The following EXOG variants were observed in gnomAD, a reference collection of about 807,000 sequenced individuals.
The protein encoded by EXOG is exo/endonuclease G.
A neutral mutation model predicts 25.8 loss-of-function variants in EXOG; 27 were observed. The observed-to-expected ratio is 1.05, with a 90% CI of 0.77 to 1.45. The LOEUF (loss-of-function observed/expected upper bound fraction) is 1.45. Ranked by LOEUF, EXOG falls within the 40% of genes most tolerant of loss-of-function variation. The pLI is 0.00. For missense variants in EXOG, 458 were observed against 450.5 expected (o/e 1.02, Z -0.15); for synonymous variants, 133 against 167.0 (o/e 0.80, Z 1.57).
chr3:38,501,014 A>G, intron 2 of EXOG: 1 of 181,020 alleles, frequency 5.5e-6, no homozygotes, highest in Non-Finnish European at 1.1e-5. Context: ...AAAAAACAAG[A>G]GTTTATTTAG....
At chr3:38,519,004 T>C (rs1292993813) in intron 5 of EXOG, among the ~76,000 whole-genome samples, 1 of 152,194 alleles carries the variant, frequency 6.6e-6, no homozygotes, top group Non-Finnish European at 1.5e-5. Flanking sequence ...AAGCTTAAGG[T>C]TAGCAGATAA....
rs371730440 is a variant in EXOG at position 38,496,395 on chromosome 3, C to T, written c.28C>T (p.Leu10Phe). 1.1e-5 allele frequency: 18 copies of T among 1,613,918 alleles called. No individual in the cohort carries two copies. The highest frequency in any genetic ancestry group is 6.7e-5 in the African/African-American group (5 of 74,954). Residue 10 changes from leucine (L) to phenylalanine (F), a missense_variant, in exon 1 of 6, where the codon CTC becomes TTC. Coordinates refer to ENST00000287675, the MANE Select transcript of EXOG (RefSeq NM_005107.4). ...GGCTATCAAGAGTATCGCTTCCCGC[C>T]TCCGGGGTTCCCGTCGTTTTCTGAG... Reference protein sequence around the residue: MAIKSIASRLRGSRRFLSGF... With the variant: MAIKSIASRFRGSRRFLSGF...
chr3:38,503,560 A>G (rs1281441782), intron 3 of EXOG, 55 bp from the exon 4 acceptor site: 2 of 980,786 alleles, frequency 2.0e-6, no homozygotes, highest in Non-Finnish European at 1.6e-6. Context: ...TTAATAAAAT[A>G]TCTTTTAAAG....
At chr3:38,507,853 A>G (rs1005803684) in intron 5 of EXOG, among the ~76,000 whole-genome samples, 1 of 152,060 alleles carries the variant, frequency 6.6e-6, no homozygotes, top group Non-Finnish European at 1.5e-5. Flanking sequence ...TAGATTGCAG[A>G]CCAGGCTCAG....
chr3:38,522,958 A>G (rs1419772721), intron 5 of EXOG, among the ~76,000 whole-genome samples: 1 of 152,238 alleles, frequency 6.6e-6, no homozygotes, highest in Non-Finnish European at 1.5e-5. Flanking sequence ...TTGATATGAC[A>G]ACATATTTAG....
chr3:38,497,414 A>G (rs2059923610), intron 1 of EXOG: 11 of 1,317,274 alleles, frequency 8.4e-6, no homozygotes, highest in Non-Finnish European at 1.1e-5. Context: ...TTCACTGATT[A>G]TAGGCAAATC....
chr3:38,502,880 T>A (rs752525424), intron 3 of EXOG, among the ~76,000 whole-genome samples: 2 of 152,224 alleles, frequency 1.3e-5, no homozygotes, highest in Non-Finnish European at 2.9e-5. Context: ...GGTGATTATG[T>A]CATTAAGATA....
At chr3:38,500,207 T>C (rs1213231660) in intron 2 of EXOG, 1 of 155,500 alleles carries the variant, frequency 6.4e-6, no homozygotes, top group Non-Finnish European at 1.4e-5. Context: ...ACAGCCCAAA[T>C]CTGTGCATCG....
chr3:38,498,087 T>TG, intron 2 of EXOG: 1 of 274,638 alleles, frequency 3.6e-6, no homozygotes, highest in Non-Finnish European at 6.8e-6. Context: ...GCTATGTGTC[T>TG]GGCACTGTGG....
At chr3:38,499,860 G>A (rs901169776) in intron 2 of EXOG, 6 of 356,432 alleles carry the variant, frequency 1.7e-5, no homozygotes, top group African/African-American at 6.4e-5. Flanking sequence ...GGGAGAAAGC[G>A]AGAATCCAAA....
intron 5 of EXOG, among the ~76,000 whole-genome samples, chr3:38,512,157 C>T (rs565504426): frequency 4.3e-4 from 66 of 152,200 alleles, no homozygotes; most frequent in African/African-American, 1.5e-3. Context: ...ACATTAAACA[C>T]GGTTTAGTCT....
chr3:38,497,487 G>C, intron 1 of EXOG, 142 bp from the exon 2 acceptor site: 1 of 1,354,048 alleles, frequency 7.4e-7, no homozygotes, highest in South Asian at 2.1e-5. Flanking sequence ...AGATTTTCTG[G>C]TTGATTAGAC....
intron 1 of EXOG, chr3:38,497,229 C>A: frequency 9.9e-7 from 1 of 1,012,822 alleles, no homozygotes; most frequent in Non-Finnish European, 1.2e-6. Context: ...TATCTCGAAA[C>A]TGACTCACTG....
chr3:38,496,886 C>G lies in EXOG; in HGVS notation c.163+356C>G, dbSNP rs1186793247. On this transcript the variant is annotated intron_variant, in intron 1 of 5. Coordinates refer to ENST00000287675, the MANE Select transcript of EXOG (RefSeq NM_005107.4). ...CTTGAGACTATGTCTGTTTTGGTCT[C>G]CATCATCTAACCAGCACAGTACCTG... 3.2e-6 allele frequency: 4 copies of G among 1,243,494 alleles called. No homozygotes were observed. The Admixed American group carries it at 9.2e-5, about 29-fold the overall frequency. The allele number at this position is 1,243,494 out of a possible 1,614,324, so 77.0% of individuals were successfully genotyped here. A position where few individuals can be genotyped will look rare whatever the true frequency, so the allele number is the denominator to read the frequency against.
intron 5 of EXOG, among the ~76,000 whole-genome samples, chr3:38,514,981 A>T (rs2060493889): frequency 6.6e-6 from 1 of 152,152 alleles, no homozygotes; most frequent in Non-Finnish European, 1.5e-5. Context: ...CATGTTGGCC[A>T]GGCTGGTCTT....
At chr3:38,501,272 T>G (rs2060035555) in intron 2 of EXOG, 83 bp from the exon 3 acceptor site, 2 of 1,190,756 alleles carry the variant, frequency 1.7e-6, no homozygotes, top group South Asian at 1.3e-5. Context: ...CACCAGCCAG[T>G]AGCAACCAGC....
chr3:38,512,881 T>G lies in EXOG; in HGVS notation c.645+5913T>G, dbSNP rs953506646. Among the ~76,000 whole-genome samples the G allele has an allele frequency of 3.9e-5, 6 of 152,056 alleles. No individual in the cohort carries two copies. In the East Asian group the frequency reaches 1.2e-3, roughly 29 times the overall value. On this transcript the variant is annotated intron_variant, in intron 5 of 5. Coordinates refer to ENST00000287675, the MANE Select transcript of EXOG (RefSeq NM_005107.4). ...ACAAGATCGTAGCTCACTGTAACCTTTATCTTCTGGGCTTTCGAGATCTTC... is the reference window on the plus strand; with the variant it reads ...ACAAGATCGTAGCTCACTGTAACCTGTATCTTCTGGGCTTTCGAGATCTTC...
At chr3:38,518,987 T>G (rs1237486367) in intron 5 of EXOG, among the ~76,000 whole-genome samples, 1 of 152,186 alleles carries the variant, frequency 6.6e-6, no homozygotes, top group Non-Finnish European at 1.5e-5. Context: ...GTGCTGTTCA[T>G]ATACAAAAGC....
intron 2 of EXOG, chr3:38,499,982 C>A: frequency 3.7e-6 from 1 of 270,738 alleles, no homozygotes. Context: ...GTAGATTGTC[C>A]TGTAGGTCTT....
Sources: allele counts gnomAD v4.1 joint callset (sites outside exome capture counted in the v4.1 genomes callset), GRCh38; gene constraint gnomAD v4.1.1; transcripts MANE v1.5; gene names NCBI Gene and HGNC (gene_info 2026-07-23, HGNC 2026-07-21).